The following MICAL3 variants were observed in gnomAD, a reference collection of about 807,000 sequenced individuals.
The protein encoded by MICAL3 is microtubule associated monooxygenase, calponin and LIM domain containing 3, also known as [F-actin]-monooxygenase MICAL3.
MICAL3 carries 62 observed loss-of-function variants against 207.4 expected under a neutral mutation model. The ratio of observed to expected loss-of-function variants is 0.30; its 90% CI spans 0.24 to 0.37. MICAL3 has a LOEUF of 0.37. Ranked by LOEUF, MICAL3 falls within the 10% of genes least tolerant of loss-of-function variation. The pLI, the probability that MICAL3 is intolerant of heterozygous loss-of-function variation, is 1.00. For missense variants in MICAL3, 2,368 were observed against 2,635.6 expected, an observed-to-expected ratio of 0.90 and a Z score of 2.22; for synonymous variants, 1,077 against 1,069.3, an observed-to-expected ratio of 1.01 and a Z score of -0.14.
chr22:17,904,144 C>T (rs1931542293), intron 3 of MICAL3, among the ~76,000 whole-genome samples: 1 of 152,250 alleles, frequency 6.6e-6, no homozygotes. Flanking sequence ...GGCCAGGGCT[C>T]TGCGCCTCCT....
intron 19 of MICAL3, among the ~76,000 whole-genome samples, chr22:17,859,524 AAT>A (rs1175108617): frequency 8.3e-4 from 127 of 152,352 alleles, no homozygotes; most frequent in African/African-American, 2.7e-3. Flanking sequence ...GTCTGTTTTT[AAT>A]GCAGGCTAGT....
chr22:17,838,955 C>CTTTTT (rs869097812), intron 20 of MICAL3, among the ~76,000 whole-genome samples: 35 of 88,430 alleles, frequency 4.0e-4, no homozygotes, highest in African/African-American at 9.0e-4. Context: ...CCCCTAGATG[C>CTTTTT]TTTTTTTTTT....
rs982718772 is a variant in MICAL3 at position 17,818,465 on chromosome 22, A to G, written c.4196T>C (p.Leu1399Ser). The G allele has an allele frequency of 6.2e-7, 1 of 1,612,736 alleles. No homozygotes were observed. Among genetic ancestry groups the G allele is most frequent in the Non-Finnish European group, 8.5e-7 (1 of 1,179,894 alleles). Residue 1399 changes from leucine to serine, a missense_variant, in exon 26 of 32, where the codon TTG becomes TCG. Physicochemically the swap from Leu to Ser is moderately radical, Grantham distance 145. Around this residue, in one of 4 missense-constraint regions of MICAL3, gnomAD observed 1,770 missense variants for 1,863.2 expected, o/e 0.95. Transcript: ENST00000441493. ...LGLPKPEGEP[L>S]SLPTPRSPSD... ...CGGGGACCGGGGGGTTGGCAGGGAC[A>G]ACGGCTCGCCTTCCGGCTTTGGCAG...
At chr22:17,980,609 T>C (rs1290531969) in intron 1 of MICAL3, among the ~76,000 whole-genome samples, 1 of 152,234 alleles carries the variant, frequency 6.6e-6, no homozygotes, top group Non-Finnish European at 1.5e-5. Context: ...ACCTCTTTTC[T>C]GAAGCCTATA....
chr22:17,809,390 C>G (rs1030013070), intron 28 of MICAL3, among the ~76,000 whole-genome samples: 1 of 152,218 alleles, frequency 6.6e-6, no homozygotes, highest in Non-Finnish European at 1.5e-5. Flanking sequence ...AATCCCAACA[C>G]TTTGGGAGGC....
chr22:17,836,777 T>C (rs1326055422), intron 20 of MICAL3, among the ~76,000 whole-genome samples: 1 of 152,030 alleles, frequency 6.6e-6, no homozygotes, highest in African/African-American at 2.4e-5. Context: ...CTCGAGCAGC[T>C]GGGACTACTC....
chr22:17,993,655 G>A (rs548300260), intron 1 of MICAL3, among the ~76,000 whole-genome samples: 13 of 151,720 alleles, frequency 8.6e-5, no homozygotes, highest in East Asian at 7.8e-4. Context: ...GCCCCCCTGC[G>A]CCCACACTCT....
At chr22:17,823,226 G>A (rs181517369) in intron 22 of MICAL3, among the ~76,000 whole-genome samples, 166 bp from the exon 23 acceptor site, 2 of 152,344 alleles carry the variant, frequency 1.3e-5, no homozygotes, top group South Asian at 2.1e-4. Context: ...TAGCATGGGT[G>A]CTGGGGGGGG....
intron 3 of MICAL3, among the ~76,000 whole-genome samples, chr22:17,903,238 C>T (rs1260950646): frequency 6.6e-6 from 1 of 152,230 alleles, no homozygotes; most frequent in African/African-American, 2.4e-5. Context: ...GAAGGGAAAT[C>T]GCAATCCAAC....
At chr22:17,791,765 C>T in intron 29 of MICAL3, 1 of 178,880 alleles carries the variant, frequency 5.6e-6, no homozygotes, top group Admixed American at 5.5e-5. Flanking sequence ...TCTTGGGCTA[C>T]TGCCCCTCTC....
chr22:17,823,844 G>C (rs542435153), intron 22 of MICAL3, among the ~76,000 whole-genome samples: 1 of 152,196 alleles, frequency 6.6e-6, no homozygotes. Context: ...TAGAGGGACC[G>C]TTTCTTTAGC....
chr22:17,995,491 A>ATTTTTT (rs138357470), intron 1 of MICAL3, among the ~76,000 whole-genome samples: 2 of 77,594 alleles, frequency 2.6e-5, no homozygotes, highest in Non-Finnish European at 2.3e-5. Flanking sequence ...CTTTTCTTTA[A>ATTTTTT]TTTTTTTTTT....
At chr22:17,825,541 T>C (rs1922087260) in intron 22 of MICAL3, among the ~76,000 whole-genome samples, 1 of 152,086 alleles carries the variant, frequency 6.6e-6, no homozygotes, top group South Asian at 2.1e-4. Context: ...CAAAGAGCAG[T>C]GGCCCTTCCC....
At chr22:17,970,749 T>C (rs1935372963) in intron 1 of MICAL3, among the ~76,000 whole-genome samples, 1 of 152,140 alleles carries the variant, frequency 6.6e-6, no homozygotes, top group African/African-American at 2.4e-5. Context: ...AGCCATTTAA[T>C]TGAGCAGCAT....
At chr22:17,853,223 T>C (rs940116248) in intron 19 of MICAL3, among the ~76,000 whole-genome samples, 1 of 152,082 alleles carries the variant, frequency 6.6e-6, no homozygotes, top group Admixed American at 6.5e-5. Context: ...GAAAAAGCAA[T>C]GCCAAATTTA....
chr22:17,843,962 TCAGCCTCCCGA>T (rs1446643749), intron 19 of MICAL3, among the ~76,000 whole-genome samples: 1 of 152,132 alleles, frequency 6.6e-6, no homozygotes, highest in Non-Finnish European at 1.5e-5. Flanking sequence ...TTCTCCTGCC[TCAGCCTCCCGA>T]GTAGCTGGGA....
chr22:17,946,245 G>A (rs76088036), intron 1 of MICAL3, among the ~76,000 whole-genome samples: 4,142 of 152,204 alleles, frequency 0.027, 177 homozygotes, highest in African/African-American at 0.094. Flanking sequence ...CCCTGGCTTC[G>A]GGGGTGGGCA....
intron 13 of MICAL3, among the ~76,000 whole-genome samples, chr22:17,888,663 C>T (rs529083024): frequency 3.3e-5 from 5 of 152,206 alleles, no homozygotes; most frequent in South Asian, 2.1e-4. Flanking sequence ...GAAGAGAAGC[C>T]GGATTATAAC....
chr22:17,919,715 C>T (rs769426675), intron 1 of MICAL3, among the ~76,000 whole-genome samples: 1 of 152,164 alleles, frequency 6.6e-6, no homozygotes, highest in Non-Finnish European at 1.5e-5. Context: ...TTTCCATGAC[C>T]ACGACCAGCC....
Sources: gnomAD v4.1 joint callset for allele counts (sites outside exome capture counted in the v4.1 genomes callset) on GRCh38, gnomAD v4.1.1 for gene constraint, gnomAD v4.1.1 regional missense constraint, MANE v1.5 for transcripts, NCBI Gene and HGNC (gene_info 2026-07-23, HGNC 2026-07-21) for gene names.